NCK2: variants seen among roughly 807,000 people sequenced by gnomAD.
The protein encoded by NCK2 is cytoplasmic protein NCK2.
A neutral mutation model predicts 33.9 loss-of-function variants in NCK2; 16 were observed. The observed-to-expected ratio is 0.47, with a 90% CI of 0.32 to 0.72. The LOEUF is 0.72. Among genes scored for constraint, NCK2 ranks in the 30% least tolerant of loss-of-function variants. NCK2 has a pLI of 0.03. For missense variants in NCK2, 418 were observed against 537.3 expected, an observed-to-expected ratio of 0.78 and a Z score of 2.19; for synonymous variants, 273 against 239.9, an observed-to-expected ratio of 1.14 and a Z score of -1.27.
At chr2:105,835,792 A>G (rs559928054) in intron 2 of NCK2, among the ~76,000 whole-genome samples, 6 of 152,080 alleles carry the variant, frequency 3.9e-5, no homozygotes, top group Middle Eastern at 6.8e-3. Flanking sequence ...AGGATCCCAC[A>G]TGTCAGGTAG....
intron 1 of NCK2, among the ~76,000 whole-genome samples, chr2:105,751,106 CT>C (rs1432954012): frequency 2.0e-5 from 3 of 152,198 alleles, no homozygotes; most frequent in Non-Finnish European, 4.4e-5. Context: ...GCTTTGTTTG[CT>C]CATTCATTCA....
intron 1 of NCK2, among the ~76,000 whole-genome samples, chr2:105,782,579 A>G (rs1690535940): frequency 6.6e-6 from 1 of 152,180 alleles, no homozygotes; most frequent in Non-Finnish European, 1.5e-5. Flanking sequence ...CATAGGTAGT[A>G]TGTGGTTTTA....
intron 1 of NCK2, among the ~76,000 whole-genome samples, chr2:105,766,822 CA>C (rs1689964045): frequency 6.6e-6 from 1 of 152,192 alleles, no homozygotes; most frequent in South Asian, 2.1e-4. Context: ...AAACTATTTC[CA>C]TCTGTAGTGA....
intron 3 of NCK2, among the ~76,000 whole-genome samples, chr2:105,867,723 A>G (rs969136872): frequency 6.6e-6 from 1 of 152,144 alleles, no homozygotes; most frequent in Non-Finnish European, 1.5e-5. Context: ...GTGAAAGGCA[A>G]AACATTAGGC....
At chr2:105,771,017 G>A (rs1690118803) in intron 1 of NCK2, among the ~76,000 whole-genome samples, 1 of 152,034 alleles carries the variant, frequency 6.6e-6, no homozygotes. Context: ...CTGCCTCCCG[G>A]GTTCACGCCA....
At chr2:105,826,056 C>T (rs1675927584) in intron 2 of NCK2, among the ~76,000 whole-genome samples, 1 of 152,140 alleles carries the variant, frequency 6.6e-6, no homozygotes, top group South Asian at 2.1e-4. Context: ...TTTCCTACTG[C>T]AATAAAGAAC....
intron 2 of NCK2, among the ~76,000 whole-genome samples, chr2:105,832,727 T>TTGCATCTA: frequency 6.6e-6 from 1 of 152,204 alleles, no homozygotes; most frequent in East Asian, 1.9e-4. Flanking sequence ...TTGAGGATTT[T>TTGCATCTA]TGCATCTATG....
chr2:105,858,173 G>T (rs1408400430), intron 3 of NCK2, among the ~76,000 whole-genome samples: 1 of 151,432 alleles, frequency 6.6e-6, no homozygotes, highest in African/African-American at 2.4e-5. Context: ...TAGGCCAATT[G>T]TGCAGCCTGC....
intron 2 of NCK2, among the ~76,000 whole-genome samples, chr2:105,818,283 T>TGGGGGGG (rs1189446581): frequency 1.6e-5 from 1 of 63,344 alleles, no homozygotes; most frequent in Non-Finnish European, 2.8e-5. Context: ...TGTTTTGGGG[T>TGGGGGGG]GGGGGGAGGG....
chr2:105,802,891 TG>T (rs1453964536), intron 1 of NCK2, among the ~76,000 whole-genome samples: 3 of 152,124 alleles, frequency 2.0e-5, no homozygotes, highest in African/African-American at 7.2e-5. Flanking sequence ...TTTCATCTGC[TG>T]CTTTCTCGGG....
intron 3 of NCK2, among the ~76,000 whole-genome samples, chr2:105,864,627 A>G (rs1387095686): frequency 6.6e-6 from 1 of 151,950 alleles, no homozygotes; most frequent in Admixed American, 6.6e-5. Context: ...TCATTTTCAG[A>G]TGTGTAAAGA....
At chr2:105,844,499 G>A (rs1057127289) in intron 2 of NCK2, among the ~76,000 whole-genome samples, 3 of 151,508 alleles carry the variant, frequency 2.0e-5, no homozygotes, top group African/African-American at 4.8e-5. Flanking sequence ...TGAGGCGGGC[G>A]GATTATGAAG....
intron 4 of NCK2, among the ~76,000 whole-genome samples, chr2:105,884,032 A>G (rs562636964): frequency 5.8e-4 from 88 of 152,140 alleles, no homozygotes; most frequent in African/African-American, 2.0e-3. Flanking sequence ...GACACGGGCC[A>G]TTTTCAGCTG....
At position 105,815,727 on chromosome 2, in the gene NCK2, G is replaced by A. The variant is rs185553032; in HGVS notation, c.-200-703G>A. ...CTTTTTAGCCCAAGGCTATGGGTCC[G>A]GTTGGTGGCTTCTCAACAAATGGCT... is the stretch of plus-strand genomic sequence containing the variant. On this transcript the variant is annotated intron_variant, in intron 1 of 4. Transcript: ENST00000233154. 1.8e-3 allele frequency among the ~76,000 whole-genome samples: 273 copies of A among 152,274 alleles called. 3 individuals are homozygous for A. In the South Asian group the frequency reaches 0.027, roughly 15 times the overall value.
chr2:105,882,133 T>C, intron 4 of NCK2, 84 bp downstream of exon 4: 1 of 1,363,418 alleles, frequency 7.3e-7, no homozygotes, highest in South Asian at 2.0e-5. Flanking sequence ...CCTTTTCACA[T>C]TGTGTGAGTA....
chr2:105,828,426 G>A (rs1281503874), intron 2 of NCK2, among the ~76,000 whole-genome samples: 4 of 152,062 alleles, frequency 2.6e-5, no homozygotes, highest in Non-Finnish European at 4.4e-5. Context: ...AAATGGCACT[G>A]ACCACAAGAA....
intron 1 of NCK2, among the ~76,000 whole-genome samples, chr2:105,808,561 A>C (rs181803772): frequency 6.6e-6 from 1 of 152,352 alleles, no homozygotes. Flanking sequence ...AGTAACCACC[A>C]GTTTACTACA....
intron 2 of NCK2, among the ~76,000 whole-genome samples, chr2:105,840,456 G>A (rs1196542931): frequency 6.6e-6 from 1 of 152,180 alleles, no homozygotes; most frequent in Non-Finnish European, 1.5e-5. Flanking sequence ...CAAATGTCTG[G>A]GTATCTCTCC....
intron 1 of NCK2, among the ~76,000 whole-genome samples, chr2:105,746,436 G>C (rs754178751): frequency 6.6e-6 from 1 of 152,218 alleles, no homozygotes; most frequent in Non-Finnish European, 1.5e-5. Context: ...TCATGCCTCT[G>C]TTTTAGATGT....
Sources: gnomAD v4.1 joint callset for allele counts (sites outside exome capture counted in the v4.1 genomes callset) on GRCh38, gnomAD v4.1.1 for gene constraint, MANE v1.5 for transcripts, NCBI Gene and HGNC (gene_info 2026-07-23, HGNC 2026-07-21) for gene names.